ABI1: variants seen among roughly 807,000 people sequenced by gnomAD.
The protein encoded by ABI1 is Abelson interactor 1.
Under a neutral mutation model 54.6 loss-of-function variants are expected in ABI1, and 14 were observed. The observed-to-expected ratio is 0.26, with a 90% CI of 0.17 to 0.40. ABI1 has a LOEUF of 0.40. Ranked by LOEUF, ABI1 falls within the 10% of genes least tolerant of loss-of-function variation. The pLI is 1.00. For missense variants in ABI1, 443 were observed against 598.3 expected (o/e 0.74, Z 2.71); for synonymous variants, 194 against 209.3 (o/e 0.93, Z 0.63).
chr10:26,766,322 A>G (rs1438624026), intron 6 of ABI1, among the ~76,000 whole-genome samples: 2 of 152,206 alleles, frequency 1.3e-5, no homozygotes, highest in African/African-American at 2.4e-5. Flanking sequence ...CTAGTAAGGT[A>G]TAAGATCTTG....
At chr10:26,761,832 C>T (rs752420074) in intron 7 of ABI1, among the ~76,000 whole-genome samples, 25 of 150,818 alleles carry the variant, frequency 1.7e-4, no homozygotes, top group Non-Finnish European at 2.7e-4. Context: ...TTCATTTTTG[C>T]TATTTTATTT....
At chr10:26,771,167 A>G (rs1840645138) in intron 3 of ABI1, 78 bp from the exon 4 acceptor site, 1 of 1,460,140 alleles carries the variant, frequency 6.8e-7, no homozygotes, top group South Asian at 1.1e-5. Context: ...ACAGGTTTAC[A>G]TTTACAGTTA....
At chr10:26,780,305 C>T (rs1179350251) in intron 2 of ABI1, among the ~76,000 whole-genome samples, 3 of 152,150 alleles carry the variant, frequency 2.0e-5, no homozygotes, top group African/African-American at 7.2e-5. Context: ...CGGCTCACTG[C>T]AATCTTCAAA....
At chr10:26,757,526 T>C (rs1838469388) in intron 8 of ABI1, among the ~76,000 whole-genome samples, 1 of 152,076 alleles carries the variant, frequency 6.6e-6, no homozygotes, top group Admixed American at 6.6e-5. Context: ...ATAAAGTTGA[T>C]GAAACAAGTG....
intron 7 of ABI1, among the ~76,000 whole-genome samples, chr10:26,761,948 T>C (rs939211608): frequency 1.3e-5 from 2 of 152,102 alleles, no homozygotes; most frequent in Non-Finnish European, 2.9e-5. Flanking sequence ...CTAAATATAA[T>C]TCCTGAATCT....
chr10:26,762,863 A>T (rs925493107), intron 7 of ABI1, among the ~76,000 whole-genome samples: 1 of 152,194 alleles, frequency 6.6e-6, no homozygotes, highest in Non-Finnish European at 1.5e-5. Context: ...GTACATGTTC[A>T]ACTTGACTAG....
rs561801179 is a variant in ABI1, at chr10:26,829,157, C to T, written c.118-5852G>A. On this transcript the variant is annotated intron_variant, in intron 1 of 10. Coordinates refer to ENST00000376140, the MANE Select transcript of ABI1 (RefSeq NM_001012750.3). ...AGGAGAATGGCGTGAACCTGGGAGA[C>T]GGAGCTTGCAGTGAGCCCAGATCGC... Among the ~76,000 whole-genome samples, 63 of 151,036 alleles carry T rather than the reference C, an allele frequency of 4.2e-4. 2 individuals are homozygous for T. Among genetic ancestry groups the T allele is most frequent in the South Asian group, 3.8e-3 (18 of 4,778 alleles).
intron 1 of ABI1, among the ~76,000 whole-genome samples, chr10:26,846,147 A>C (rs1216947748): frequency 1.3e-5 from 2 of 151,752 alleles, no homozygotes; most frequent in African/African-American, 2.4e-5. Context: ...GTCTCAAAAA[A>C]AAAAAAAAGA....
chr10:26,799,837 A>T (rs1279970441), intron 2 of ABI1, among the ~76,000 whole-genome samples: 2 of 152,158 alleles, frequency 1.3e-5, no homozygotes, highest in Admixed American at 6.5e-5. Flanking sequence ...TTCCTCTGAC[A>T]GTACATTTTG....
intron 1 of ABI1, among the ~76,000 whole-genome samples, chr10:26,838,502 G>A (rs1419507599): frequency 6.6e-6 from 1 of 152,172 alleles, no homozygotes; most frequent in Non-Finnish European, 1.5e-5. Context: ...CCCAATGGGG[G>A]AATATACCAC....
intron 7 of ABI1, 106 bp from the exon 8 acceptor site, chr10:26,759,344 C>T: frequency 1.1e-6 from 1 of 883,976 alleles, no homozygotes; most frequent in South Asian, 3.1e-5. Context: ...ATATTTATTA[C>T]TTTTTCAAGA....
chr10:26,749,580 A>G (rs994014569), intron 10 of ABI1, among the ~76,000 whole-genome samples: 1 of 152,226 alleles, frequency 6.6e-6, no homozygotes, highest in South Asian at 2.1e-4. Context: ...ACGTGAGGTC[A>G]GGTGTGGAAT....
chr10:26,850,377 C>T (rs550090132), intron 1 of ABI1, among the ~76,000 whole-genome samples: 5 of 152,158 alleles, frequency 3.3e-5, no homozygotes, highest in South Asian at 4.1e-4. Context: ...AAAACGTTCT[C>T]GGCCAGGTGT....
intron 1 of ABI1, among the ~76,000 whole-genome samples, chr10:26,849,434 C>T (rs10829110): frequency 0.26 from 39,313 of 151,952 alleles, 5,767 homozygotes; most frequent in South Asian, 0.44. Context: ...ATATTGTATA[C>T]GACAAAATGG....
chr10:26,798,014 T>C (rs1208709485), intron 2 of ABI1, among the ~76,000 whole-genome samples: 1 of 152,156 alleles, frequency 6.6e-6, no homozygotes, highest in Non-Finnish European at 1.5e-5. Flanking sequence ...GATTTAAAGA[T>C]GCTATGAAAG....
rs944425468 is a variant in ABI1, at chr10:26,768,722, C to T, written c.719+130G>A. Reference sequence around the variant, plus strand: ...TTACAGGAACATATATAATATTATTCCCCCAACTTTTACATTTTATATTAG... The same window carrying T: ...TTACAGGAACATATATAATATTATTTCCCCAACTTTTACATTTTATATTAG... On this transcript the variant is annotated intron_variant, in intron 6 of 10. Coordinates refer to ENST00000376140, the MANE Select transcript of ABI1 (RefSeq NM_001012750.3). The T allele has an allele frequency of 3.1e-5, 22 of 712,356 alleles. No homozygotes were observed. The African/African-American group carries it at 3.5e-4, about 11-fold the overall frequency. 44.1% of individuals were successfully genotyped at this position (712,356 alleles called of 1,614,324 possible).
At chr10:26,832,278 C>G (rs958501484) in intron 1 of ABI1, among the ~76,000 whole-genome samples, 10 of 152,066 alleles carry the variant, frequency 6.6e-5, no homozygotes, top group African/African-American at 1.2e-4. Flanking sequence ...AATTTAACGG[C>G]CTTTTAAAAA....
chr10:26,807,120 A>G lies in ABI1; in HGVS notation c.285+16018T>C, dbSNP rs1436737614. 9.2e-5 allele frequency among the ~76,000 whole-genome samples: 14 copies of G among 152,262 alleles called. No individual in the cohort carries two copies. In the East Asian group the frequency reaches 2.1e-3, roughly 23 times the overall value. Reference sequence around the variant, plus strand: ...CTATAGTCCTTTAAAAAATGTTTTGATTTTCAAGGGCAGAAAAATTAAAAA... The same window carrying G: ...CTATAGTCCTTTAAAAAATGTTTTGGTTTTCAAGGGCAGAAAAATTAAAAA... On this transcript the variant is annotated intron_variant, in intron 2 of 10. Coordinates refer to ENST00000376140, the MANE Select transcript of ABI1 (RefSeq NM_001012750.3).
chr10:26,749,783 T>C (rs1837382603), intron 10 of ABI1, among the ~76,000 whole-genome samples: 1 of 152,238 alleles, frequency 6.6e-6, no homozygotes, highest in Non-Finnish European at 1.5e-5. Context: ...TAAAGGTTTA[T>C]TGCAATATGG....
Sources: gnomAD v4.1 joint callset for allele counts (sites outside exome capture counted in the v4.1 genomes callset) on GRCh38, gnomAD v4.1.1 for gene constraint, MANE v1.5 for transcripts, NCBI Gene and HGNC (gene_info 2026-07-23, HGNC 2026-07-21) for gene names.